Variants in SPAG9 observed in about 807,000 individuals in gnomAD.
The protein encoded by SPAG9 is sperm associated antigen 9, also known as C-Jun-amino-terminal kinase-interacting protein 4.
In SPAG9, 35 loss-of-function variants were observed where a neutral mutation model predicts 166.5. The observed-to-expected ratio is 0.21, with a 90% CI of 0.16 to 0.28. The LOEUF is 0.28. Ranked by LOEUF, SPAG9 falls within the 10% of genes least tolerant of loss-of-function variation. The pLI, the probability that SPAG9 is intolerant of heterozygous loss-of-function variation, is 1.00. For synonymous variants in SPAG9, 534 were observed against 565.5 expected (o/e 0.94, Z 0.79); for missense variants, 1,235 against 1,603.3 (o/e 0.77, Z 3.92).
intron 24 of SPAG9, 106 bp from the exon 25 acceptor site, chr17:50,982,778 T>A: frequency 9.9e-7 from 1 of 1,014,464 alleles, no homozygotes; most frequent in Non-Finnish European, 1.4e-6. Context: ...GAGGAAGCAC[T>A]CAAAGTACCA....
chr17:51,095,991 T>C, intron 1 of SPAG9, among the ~76,000 whole-genome samples: 1 of 94,194 alleles, frequency 1.1e-5, no homozygotes, highest in Non-Finnish European at 2.2e-5. Context: ...ATATATATAG[T>C]GATATATATA....
intron 15 of SPAG9, among the ~76,000 whole-genome samples, chr17:50,997,907 C>T (rs558768806): frequency 1.4e-5 from 2 of 148,032 alleles, no homozygotes; most frequent in Middle Eastern, 7.2e-3. Context: ...GTCATACCAG[C>T]AAAAATGAGG....
chr17:50,983,952 A>C (rs1480655940), intron 24 of SPAG9, among the ~76,000 whole-genome samples: 1 of 152,060 alleles, frequency 6.6e-6, no homozygotes, highest in Admixed American at 6.6e-5. Context: ...ACTGTCATCT[A>C]CTCCACATTT....
rs2049458611 is a variant in SPAG9 at position 51,120,821 on chromosome 17, A to T, written c.-165T>A. 1 of 469,394 alleles carries T rather than the reference A, an allele frequency of 2.1e-6. No individual in the cohort carries two copies. Among genetic ancestry groups the T allele is most frequent in the Non-Finnish European group, 3.5e-6 (1 of 282,498 alleles). 29.1% of individuals were successfully genotyped at this position (469,394 alleles called of 1,614,324 possible). A position where few individuals can be genotyped will look rare whatever the true frequency, so the allele number is the denominator to read the frequency against. ...GTGGGGGCCGGGGCCGGAGGAGGGGAGGGGTGGCGTAGGCGCTCTCACCCC... is the reference window on the plus strand; with the variant it reads ...GTGGGGGCCGGGGCCGGAGGAGGGGTGGGGTGGCGTAGGCGCTCTCACCCC... On this transcript the variant is annotated 5_prime_UTR_variant, in exon 1 of 30. Coordinates refer to ENST00000262013, the MANE Select transcript of SPAG9 (RefSeq NM_001130528.3). The surrounding 1 kb of genome is among the most constrained non-coding windows in gnomAD (Gnocchi z 4.7).
chr17:51,105,732 T>C (rs2048930144), intron 1 of SPAG9, among the ~76,000 whole-genome samples: 1 of 151,850 alleles, frequency 6.6e-6, no homozygotes, highest in Non-Finnish European at 1.5e-5. Flanking sequence ...TAGCTGGGCA[T>C]GGTGGCGGGC....
At chr17:51,113,495 C>T (rs1417716697) in intron 1 of SPAG9, among the ~76,000 whole-genome samples, 2 of 151,124 alleles carry the variant, frequency 1.3e-5, no homozygotes, top group African/African-American at 4.9e-5. Flanking sequence ...GCCTGGACAA[C>T]ATGGTAAAAC....
At chr17:51,009,230 T>TGA (rs977546874) in intron 9 of SPAG9, 1 of 419,968 alleles carries the variant, frequency 2.4e-6, no homozygotes, top group Non-Finnish European at 4.7e-6. Flanking sequence ...TACTTTAAAA[T>TGA]GAGAGAGAGG....
At chr17:50,966,439 T>C (rs2143528081) in intron 29 of SPAG9, 52 bp from the exon 30 acceptor site, 1 of 1,120,688 alleles carries the variant, frequency 8.9e-7, no homozygotes, top group South Asian at 1.2e-5. Context: ...AAATATAGAA[T>C]GATGTGAGTC....
At chr17:51,025,486 G>A (rs1312525953) in intron 6 of SPAG9, among the ~76,000 whole-genome samples, 1 of 149,996 alleles carries the variant, frequency 6.7e-6, no homozygotes, top group Non-Finnish European at 1.5e-5. Flanking sequence ...AAAAAAAACT[G>A]ACAGTATTTA....
At chr17:51,047,702 C>CA (rs763552367) in intron 3 of SPAG9, among the ~76,000 whole-genome samples, 5,423 of 73,924 alleles carry the variant, frequency 0.073, 167 homozygotes, top group East Asian at 0.15. Flanking sequence ...CTTAGGATGG[C>CA]AAAAAAAAAA....
At chr17:51,004,126 T>C (rs537656070) in intron 12 of SPAG9, among the ~76,000 whole-genome samples, 1 of 152,318 alleles carries the variant, frequency 6.6e-6, no homozygotes, top group Admixed American at 6.5e-5. Context: ...AAGGAAAAAT[T>C]AAACCATATA....
chr17:51,086,262 G>A (rs982442458), intron 1 of SPAG9, among the ~76,000 whole-genome samples: 2 of 151,806 alleles, frequency 1.3e-5, no homozygotes, highest in South Asian at 2.1e-4. Flanking sequence ...TTACAGGTGT[G>A]AGCCACCACA....
rs768859237 is a variant in SPAG9 at position 51,006,048 on chromosome 17, A to T, written c.1424+37T>A. On this transcript the variant is annotated intron_variant, in intron 11 of 29. Transcript: ENST00000262013. ...TGTAACCCTTTGTGGCATAACTGGCAAAGAGTTTGGTTTAGAACAACACAG... is the reference window on the plus strand; with the variant it reads ...TGTAACCCTTTGTGGCATAACTGGCTAAGAGTTTGGTTTAGAACAACACAG... 9 of 1,608,510 alleles carry T rather than the reference A, an allele frequency of 5.6e-6. No individual in the cohort carries two copies. In the African/African-American group the frequency reaches 1.2e-4, roughly 22 times the overall value.
At chr17:50,990,885 C>A in intron 19 of SPAG9, 4 of 472,548 alleles carry the variant, frequency 8.5e-6, no homozygotes, top group East Asian at 3.9e-5. Flanking sequence ...TGCAAATAAA[C>A]ATAAAAATGT....
rs1368680534 is a variant in SPAG9 at position 51,120,608 on chromosome 17, C to T, written c.49G>A (p.Gly17Arg). 10 of 1,612,074 alleles carry T rather than the reference C, an allele frequency of 6.2e-6. No homozygotes were observed. The highest frequency in any genetic ancestry group is 8.5e-6 in the Non-Finnish European group (10 of 1,179,398). Residue 17 changes from glycine (G) to arginine (R), a missense_variant, in exon 1 of 30, where the codon GGG (glycine) becomes AGG (arginine). By Grantham distance (125) the Gly-to-Arg change is moderately radical. This residue lies in a region of SPAG9 where 83 missense variants were observed against 149.8 expected (regional missense o/e 0.55). Coordinates refer to ENST00000262013, the MANE Select transcript of SPAG9 (RefSeq NM_001130528.3). This position sits in a 1 kb window ranked among gnomAD's most constrained non-coding sequence, Gnocchi z 4.7. ...GACACCCGCTCCGACATCACGGCCC[C>T]GGAGCCGCCGGGCTCCTCCTGATAC... ...VVYQEEPGGS[G>R]AVMSERVSGL... is the part of the protein sequence containing the mutation.
intron 1 of SPAG9, among the ~76,000 whole-genome samples, chr17:51,102,525 G>A (rs1259899646): frequency 6.7e-6 from 1 of 149,946 alleles, no homozygotes; most frequent in South Asian, 2.1e-4. Flanking sequence ...TTTTTGAGGT[G>A]GAGTCTCGCT....
chr17:51,044,040 G>T (rs575829406), intron 4 of SPAG9, among the ~76,000 whole-genome samples: 6 of 152,154 alleles, frequency 3.9e-5, no homozygotes, highest in Non-Finnish European at 7.4e-5. Flanking sequence ...AGGGAGGGGA[G>T]ATCTCTTCAG....
intron 3 of SPAG9, among the ~76,000 whole-genome samples, chr17:51,050,660 AAAG>A (rs2047154011): frequency 6.6e-6 from 1 of 152,154 alleles, no homozygotes; most frequent in Admixed American, 6.5e-5. Flanking sequence ...AACACACAAA[AAAG>A]AACAAAAATT....
intron 3 of SPAG9, among the ~76,000 whole-genome samples, chr17:51,048,559 T>C (rs942514079): frequency 2.6e-5 from 4 of 152,082 alleles, no homozygotes; most frequent in Admixed American, 6.6e-5. Context: ...TTAAGATGCA[T>C]TTCAATCTCT....
Sources: allele counts gnomAD v4.1 joint callset (sites outside exome capture counted in the v4.1 genomes callset), GRCh38; gene constraint gnomAD v4.1.1; regional missense constraint gnomAD v4.1.1; non-coding constraint Gnocchi (gnomAD v3.1); transcripts MANE v1.5; gene names NCBI Gene and HGNC (gene_info 2026-07-23, HGNC 2026-07-21).